The following SEMA3E variants were observed in gnomAD, a reference collection of about 807,000 sequenced individuals.
SEMA3E encodes semaphorin-3E.
SEMA3E carries 49 observed loss-of-function variants against 93.6 expected under a neutral mutation model. That is an observed-to-expected ratio of 0.52 (90% CI 0.42 to 0.66). The LOEUF (loss-of-function observed/expected upper bound fraction) is 0.66. SEMA3E is among the 30% of genes least tolerant of loss of function. SEMA3E has a pLI of 0.00. For synonymous variants in SEMA3E, 363 were observed against 330.7 expected, an observed-to-expected ratio of 1.10 and a Z score of -1.06; for missense variants, 906 against 964.8, an observed-to-expected ratio of 0.94 and a Z score of 0.81.
chr7:83,583,207 C>T (rs1043327578), intron 1 of SEMA3E, among the ~76,000 whole-genome samples: 1 of 151,986 alleles, frequency 6.6e-6, no homozygotes, highest in East Asian at 1.9e-4. Flanking sequence ...CTTTAGAAAC[C>T]TTTGACTAGT....
chr7:83,422,741 C>T (rs1788690095), intron 4 of SEMA3E, among the ~76,000 whole-genome samples: 1 of 152,010 alleles, frequency 6.6e-6, no homozygotes, highest in Non-Finnish European at 1.5e-5. Flanking sequence ...AATTAGACAC[C>T]TTATATAGTA....
Position 83,408,484 on chromosome 7 carries a change from C to T in SEMA3E, c.554G>A (p.Ser185Asn), listed in dbSNP as rs779765249. 4.3e-6 allele frequency: 7 copies of T among 1,613,666 alleles called. No individual in the cohort carries two copies. The highest frequency in any genetic ancestry group is 4.2e-6 in the Non-Finnish European group (5 of 1,179,778). ...ACTGTAGAGTCCAGCAAACAATTCACTACCTACACGGGAGCATCAGTAAAA... is the reference window on the plus strand; with the variant it reads ...ACTGTAGAGTCCAGCAAACAATTCATTACCTACACGGGAGCATCAGTAAAA... ...SSSFISTLIG[S>N]ELFAGLYSDY... Residue 185 changes from serine to asparagine, a missense_variant, in exon 6 of 17, where the codon AGT becomes AAT. Ser to Asn is a conservative substitution (Grantham distance 46). Transcript: ENST00000643230.
Position 83,414,911 on chromosome 7 carries a change from T to C in SEMA3E, c.550+3479A>G, listed in dbSNP as rs1005713976. 3.9e-5 allele frequency among the ~76,000 whole-genome samples: 6 copies of C among 152,084 alleles called. No individual in the cohort carries two copies. The South Asian group carries it at 1.2e-3, about 32-fold the overall frequency. Reference sequence around the variant, plus strand: ...TCAGAATAAAATTTAAAAATAAAAATGGCTATAGAATTAAAAGGAGAAACT... The same window carrying C: ...TCAGAATAAAATTTAAAAATAAAAACGGCTATAGAATTAAAAGGAGAAACT... On this transcript the variant is annotated intron_variant, in intron 5 of 16. Transcript: ENST00000643230.
rs1163871806 is a variant in SEMA3E at position 83,580,081 on chromosome 7, T to C, written c.115+68347A>G. ...ATTAGAAAAGCGAACAAAACAAAAATAAAAAACATGTACACCGACAACTAT... is the reference window on the plus strand; with the variant it reads ...ATTAGAAAAGCGAACAAAACAAAAACAAAAAACATGTACACCGACAACTAT... On this transcript the variant is annotated intron_variant, in intron 1 of 16. Transcript: ENST00000643230. 2.0e-5 allele frequency among the ~76,000 whole-genome samples: 3 copies of C among 151,858 alleles called. No individual in the cohort carries two copies. In the East Asian group the frequency reaches 5.8e-4, roughly 29 times the overall value.
chr7:83,391,443 C>T (rs1346216075), intron 14 of SEMA3E, among the ~76,000 whole-genome samples: 2 of 152,200 alleles, frequency 1.3e-5, no homozygotes, highest in South Asian at 4.1e-4. Flanking sequence ...TTAATATTTT[C>T]AAATAATTAT....
intron 1 of SEMA3E, among the ~76,000 whole-genome samples, chr7:83,507,473 T>TGTGTGTGA (rs1491534015): frequency 3.6e-5 from 5 of 138,052 alleles, no homozygotes; most frequent in Non-Finnish European, 6.2e-5. Flanking sequence ...TGTGTGTGTG[T>TGTGTGTGA]GAAAGGGAGA....
chr7:83,544,182 C>T (rs1315971791), intron 1 of SEMA3E, among the ~76,000 whole-genome samples: 3 of 151,920 alleles, frequency 2.0e-5, no homozygotes, highest in African/African-American at 7.2e-5. Flanking sequence ...TAATGGCAGG[C>T]TTGTTAAAAT....
At chr7:83,585,177 AT>A (rs1792599101) in intron 1 of SEMA3E, among the ~76,000 whole-genome samples, 1 of 152,162 alleles carries the variant, frequency 6.6e-6, no homozygotes, top group African/African-American at 2.4e-5. Flanking sequence ...CTGCAACAGT[AT>A]CCCATTTACA....
At chr7:83,597,165 T>A (rs1294103855) in intron 1 of SEMA3E, among the ~76,000 whole-genome samples, 1 of 152,154 alleles carries the variant, frequency 6.6e-6, no homozygotes, top group African/African-American at 2.4e-5. Context: ...CATATCCACA[T>A]AAGTACCTCC....
chr7:83,624,714 A>C (rs1215076546), intron 1 of SEMA3E, among the ~76,000 whole-genome samples: 2 of 152,092 alleles, frequency 1.3e-5, no homozygotes, highest in Non-Finnish European at 2.9e-5. Flanking sequence ...GCTGTGCAGA[A>C]GCTCTTTAGT....
At chr7:83,414,994 T>G (rs1788513117) in intron 5 of SEMA3E, among the ~76,000 whole-genome samples, 1 of 152,126 alleles carries the variant, frequency 6.6e-6, no homozygotes, top group Non-Finnish European at 1.5e-5. Context: ...ATTGCAATAG[T>G]ATGTCAAATA....
chr7:83,455,158 C>T (rs938453752), intron 4 of SEMA3E, among the ~76,000 whole-genome samples: 3 of 152,128 alleles, frequency 2.0e-5, no homozygotes, highest in African/African-American at 7.2e-5. Context: ...CTAATTTAGC[C>T]TGCATACTTA....
chr7:83,586,448 G>A (rs1307789200), intron 1 of SEMA3E, among the ~76,000 whole-genome samples: 4 of 151,916 alleles, frequency 2.6e-5, no homozygotes, highest in Admixed American at 2.0e-4. Flanking sequence ...CCAGTAAAAT[G>A]TTCCTTTTTC....
intron 5 of SEMA3E, among the ~76,000 whole-genome samples, chr7:83,410,322 A>C (rs185517042): frequency 6.6e-6 from 1 of 152,050 alleles, no homozygotes; most frequent in East Asian, 1.9e-4. Context: ...TTTGTATTTG[A>C]AAATTTTCAA....
intron 1 of SEMA3E, among the ~76,000 whole-genome samples, chr7:83,555,623 A>G (rs2115817746): frequency 6.6e-6 from 1 of 152,284 alleles, no homozygotes; most frequent in Middle Eastern, 3.4e-3. Context: ...CTTGTTACAA[A>G]TCAGCAAATC....
intron 1 of SEMA3E, among the ~76,000 whole-genome samples, chr7:83,527,499 C>A (rs1791186014): frequency 6.6e-6 from 1 of 152,150 alleles, no homozygotes; most frequent in Admixed American, 6.6e-5. Flanking sequence ...TAGGTCCCTG[C>A]TTCTGCCAAC....
intron 1 of SEMA3E, among the ~76,000 whole-genome samples, chr7:83,645,071 T>C (rs919795760): frequency 6.6e-6 from 1 of 151,950 alleles, no homozygotes; most frequent in Non-Finnish European, 1.5e-5. Context: ...GGCTTATTTG[T>C]TTTTTCTTCT....
chr7:83,389,081 T>C (rs1188318566), intron 14 of SEMA3E, among the ~76,000 whole-genome samples: 2 of 152,000 alleles, frequency 1.3e-5, no homozygotes, highest in African/African-American at 4.8e-5. Context: ...ACAAAGTTAA[T>C]ATTAGATCTG....
intron 16 of SEMA3E, among the ~76,000 whole-genome samples, chr7:83,382,781 G>A (rs1217630525): frequency 2.6e-5 from 4 of 151,702 alleles, no homozygotes; most frequent in African/African-American, 2.4e-5. Flanking sequence ...TAGAGATTAT[G>A]TTCCATTTGC....
Sources: allele counts gnomAD v4.1 joint callset (sites outside exome capture counted in the v4.1 genomes callset), GRCh38; gene constraint gnomAD v4.1.1; transcripts MANE v1.5; gene names NCBI Gene and HGNC (gene_info 2026-07-23, HGNC 2026-07-21).